The following RBKS variants were observed in gnomAD, a reference collection of about 807,000 sequenced individuals.
RBKS encodes ribokinase.
In RBKS, 33 loss-of-function variants were observed where a neutral mutation model predicts 33.9. The observed-to-expected ratio is 0.97, with a 90% CI of 0.74 to 1.30. The LOEUF is 1.30. RBKS is among the 50% of genes most tolerant of loss of function. The pLI is 0.00. For missense variants in RBKS, 361 were observed against 392.6 expected, an observed-to-expected ratio of 0.92 and a Z score of 0.68; for synonymous variants, 125 against 143.0, an observed-to-expected ratio of 0.87 and a Z score of 0.90.
At chr2:27,847,892 C>G in intron 3 of RBKS, 142 bp downstream of exon 3, 2 of 622,008 alleles carry the variant, frequency 3.2e-6, no homozygotes, top group Non-Finnish European at 5.8e-6. Context: ...GACATTTAAG[C>G]AAGAATGGAC....
At chr2:27,784,586 T>C (rs1214991245) in intron 7 of RBKS, among the ~76,000 whole-genome samples, 2 of 152,116 alleles carry the variant, frequency 1.3e-5, no homozygotes, top group Admixed American at 6.5e-5. Context: ...GGAGTCCTTA[T>C]AGAATGAGCC....
At chr2:27,856,078 GATA>G (rs1663851869) in intron 2 of RBKS, among the ~76,000 whole-genome samples, 1 of 152,306 alleles carries the variant, frequency 6.6e-6, no homozygotes, top group South Asian at 2.1e-4. Context: ...TTAATGGACA[GATA>G]ATAACTTCTT....
At chr2:27,835,682 C>T (rs1678505276) in intron 5 of RBKS, among the ~76,000 whole-genome samples, 1 of 151,102 alleles carries the variant, frequency 6.6e-6, no homozygotes, top group African/African-American at 2.4e-5. Context: ...ACCTTGGCCT[C>T]CCAAAATGCT....
chr2:27,800,073 G>A (rs1300708114), intron 7 of RBKS, among the ~76,000 whole-genome samples: 1 of 121,752 alleles, frequency 8.2e-6, no homozygotes, highest in African/African-American at 3.2e-5. Flanking sequence ...TTTTTTTTGA[G>A]ATCGGCTCTT....
intron 5 of RBKS, among the ~76,000 whole-genome samples, chr2:27,840,277 C>G (rs554376176): frequency 4.7e-5 from 7 of 150,448 alleles, no homozygotes; most frequent in African/African-American, 1.5e-4. Flanking sequence ...ACCTCGGCCT[C>G]CCAAAGTGCT....
At chr2:27,886,603 G>A (rs764351577) in intron 1 of RBKS, among the ~76,000 whole-genome samples, 9 of 152,098 alleles carry the variant, frequency 5.9e-5, no homozygotes, top group African/African-American at 2.2e-4. Flanking sequence ...GGCCAGGCAC[G>A]GTGGCTCACG....
At chr2:27,787,905 TGACC>T (rs201646603) in intron 7 of RBKS, among the ~76,000 whole-genome samples, 5,166 of 152,212 alleles carry the variant, frequency 0.034, 295 homozygotes, top group African/African-American at 0.12. Flanking sequence ...TAATGCATCA[TGACC>T]AAGTAGAATT....
At chr2:27,875,271 G>C (rs1664288898) in intron 1 of RBKS, among the ~76,000 whole-genome samples, 1 of 152,220 alleles carries the variant, frequency 6.6e-6, no homozygotes, top group African/African-American at 2.4e-5. Context: ...TTTCCAGCCA[G>C]GTATGGTGTC....
intron 1 of RBKS, among the ~76,000 whole-genome samples, chr2:27,866,549 T>C (rs1035591550): frequency 3.9e-5 from 6 of 152,230 alleles, no homozygotes; most frequent in African/African-American, 1.4e-4. Flanking sequence ...TATGGTAGGC[T>C]GTTCCACAGG....
intron 2 of RBKS, among the ~76,000 whole-genome samples, chr2:27,855,197 G>A (rs758835692): frequency 1.3e-5 from 2 of 152,226 alleles, no homozygotes; most frequent in Non-Finnish European, 2.9e-5. Context: ...CATGCTTGAT[G>A]GTTCTGAAGG....
At chr2:27,817,181 G>T (rs1678111336) in intron 7 of RBKS, among the ~76,000 whole-genome samples, 1 of 152,176 alleles carries the variant, frequency 6.6e-6, no homozygotes, top group Non-Finnish European at 1.5e-5. Context: ...TTAAGCAGTG[G>T]GGTTGCCCCA....
intron 7 of RBKS, among the ~76,000 whole-genome samples, chr2:27,821,983 G>C (rs753844744): frequency 6.6e-6 from 1 of 152,102 alleles, no homozygotes; most frequent in Admixed American, 6.6e-5. Context: ...ATGTGCAAAG[G>C]CTCTATTCAA....
chr2:27,840,731 G>C (rs1051172485), intron 5 of RBKS, among the ~76,000 whole-genome samples: 2 of 152,156 alleles, frequency 1.3e-5, no homozygotes, highest in East Asian at 1.9e-4. Flanking sequence ...GCACTTTAAA[G>C]TGTGGTTTAA....
chr2:27,823,824 A>G (rs1678262829), intron 7 of RBKS, among the ~76,000 whole-genome samples: 1 of 152,180 alleles, frequency 6.6e-6, no homozygotes, highest in Non-Finnish European at 1.5e-5. Context: ...AATTCAGTGG[A>G]GAGTCTTTAT....
chr2:27,816,480 G>A (rs1347675048), intron 7 of RBKS, among the ~76,000 whole-genome samples: 3 of 152,130 alleles, frequency 2.0e-5, no homozygotes, highest in Non-Finnish European at 2.9e-5. Flanking sequence ...GGGCTGTTTC[G>A]GAACCTCATT....
At chr2:27,831,210 T>C (rs1485625035) in intron 6 of RBKS, among the ~76,000 whole-genome samples, 1 of 135,672 alleles carries the variant, frequency 7.4e-6, no homozygotes, top group Non-Finnish European at 1.5e-5. Context: ...ATTTTGGAGG[T>C]ATTTTATTAT....
chr2:27,807,153 G>A (rs1363537644), intron 7 of RBKS, among the ~76,000 whole-genome samples: 1 of 152,196 alleles, frequency 6.6e-6, no homozygotes, highest in African/African-American at 2.4e-5. Context: ...GCTTCCCAAT[G>A]TGACCACTTT....
In RBKS at chr2:27,827,662, T is replaced by C. The variant is rs774529816; in HGVS notation, c.700A>G (p.Ile234Val). The change falls in exon 7 of 8, where the codon ATT (isoleucine) becomes GTT (valine). Residue 234 changes from isoleucine (I) to valine (V), a missense_variant. Transcript: ENST00000302188. The stretch of plus-strand genomic sequence containing the variant: ...ACACATCCTTCAGCCCCTAAGGTAA[T>C]GATTACCACCTGGCAGCCCCTTTTC... ...LLKRGCQVVI[I>V]TLGAEGCVVL... 9 of 1,613,924 alleles carry C rather than the reference T, an allele frequency of 5.6e-6. No homozygotes were observed. Among genetic ancestry groups the C allele is most frequent in the African/African-American group, 2.7e-5 (2 of 74,914 alleles).
chr2:27,794,951 T>C (rs544038384), intron 7 of RBKS, among the ~76,000 whole-genome samples: 6 of 152,202 alleles, frequency 3.9e-5, no homozygotes, highest in African/African-American at 9.6e-5. Flanking sequence ...AGCTGTGACA[T>C]TGATTGCCCA....
Sources: gnomAD v4.1 joint callset for allele counts (sites outside exome capture counted in the v4.1 genomes callset) on GRCh38, gnomAD v4.1.1 for gene constraint, MANE v1.5 for transcripts, NCBI Gene and HGNC (gene_info 2026-07-23, HGNC 2026-07-21) for gene names.